Variants in ERC2 observed in about 807,000 individuals in gnomAD.
ERC2 encodes the protein ERC protein 2.
Under a neutral mutation model 114.8 loss-of-function variants are expected in ERC2, and 42 were observed. The ratio of observed to expected loss-of-function variants is 0.37; its 90% CI spans 0.29 to 0.47. The LOEUF (loss-of-function observed/expected upper bound fraction) is 0.47. Ranked by LOEUF, ERC2 falls within the 20% of genes least tolerant of loss-of-function variation. ERC2 has a pLI of 0.99. For missense variants in ERC2, 939 were observed against 1,150.7 expected (o/e 0.82, Z 2.66); for synonymous variants, 454 against 425.5 (o/e 1.07, Z -0.82).
chr3:56,008,200 T>C (rs9851203), intron 9 of ERC2, among the ~76,000 whole-genome samples: 52,112 of 152,050 alleles, frequency 0.34, 9,606 homozygotes, highest in Middle Eastern at 0.44. Flanking sequence ...AAAGACACAA[T>C]GGTCTCTCTG....
intron 15 of ERC2, among the ~76,000 whole-genome samples, chr3:55,714,065 C>A (rs1305037933): frequency 1.3e-5 from 2 of 152,192 alleles, no homozygotes; most frequent in East Asian, 3.8e-4. Flanking sequence ...ATTTTGCAAT[C>A]TAGGTGAGGA....
intron 13 of ERC2, among the ~76,000 whole-genome samples, chr3:55,943,460 T>G (rs1351860961): frequency 1.3e-5 from 2 of 151,614 alleles, no homozygotes; most frequent in Non-Finnish European, 2.9e-5. Context: ...GAGGAAGCGT[T>G]TTTTTTTTCA....
At chr3:55,805,129 A>G (rs181381148) in intron 14 of ERC2, among the ~76,000 whole-genome samples, 2 of 152,084 alleles carry the variant, frequency 1.3e-5, no homozygotes, top group African/African-American at 2.4e-5. Context: ...CTTACTGCCA[A>G]TGCTCCTCTA....
At chr3:55,805,916 A>T (rs897532650) in intron 14 of ERC2, among the ~76,000 whole-genome samples, 1 of 152,146 alleles carries the variant, frequency 6.6e-6, no homozygotes, top group South Asian at 2.1e-4. Flanking sequence ...ACTGGGGAAA[A>T]TGTTCTGAAA....
chr3:55,862,303 T>C (rs1363244410), intron 14 of ERC2, among the ~76,000 whole-genome samples: 9 of 152,170 alleles, frequency 5.9e-5, no homozygotes, highest in African/African-American at 9.7e-5. Flanking sequence ...AGAGAAGCCA[T>C]ATGACCCACT....
intron 7 of ERC2, among the ~76,000 whole-genome samples, chr3:56,038,515 G>T (rs1263343158): frequency 6.6e-6 from 1 of 152,206 alleles, no homozygotes; most frequent in African/African-American, 2.4e-5. Flanking sequence ...CATTGTGGAG[G>T]ACAGTGTGGT....
At chr3:55,850,872 ACACACACACACACACACACG>A (rs1198064970) in intron 14 of ERC2, among the ~76,000 whole-genome samples, 1 of 151,460 alleles carries the variant, frequency 6.6e-6, no homozygotes, top group East Asian at 1.9e-4. Context: ...ACACACACAC[ACACACACACACACACACACG>A]AGAGAACCAA....
chr3:56,091,385 G>A (rs927217143), intron 6 of ERC2, among the ~76,000 whole-genome samples: 1 of 152,188 alleles, frequency 6.6e-6, no homozygotes, highest in African/African-American at 2.4e-5. Flanking sequence ...TGATGTGGAA[G>A]ACTGGGGAGA....
At chr3:55,964,457 C>CTTT (rs11384596) in intron 12 of ERC2, among the ~76,000 whole-genome samples, 1 of 149,090 alleles carries the variant, frequency 6.7e-6, no homozygotes. Flanking sequence ...AAGCTACAAT[C>CTTT]TTTTTTTTTT....
intron 2 of ERC2, among the ~76,000 whole-genome samples, chr3:56,304,099 T>G (rs1489721824): frequency 1.3e-5 from 2 of 151,938 alleles, no homozygotes; most frequent in African/African-American, 4.8e-5. Flanking sequence ...ATCAACCAGA[T>G]CTGAAAAAGA....
chr3:55,971,732 T>A (rs956631204), intron 12 of ERC2, among the ~76,000 whole-genome samples: 3 of 152,186 alleles, frequency 2.0e-5, no homozygotes, highest in African/African-American at 7.2e-5. Context: ...CAAATGTCTG[T>A]TGAACAATCC....
At chr3:56,270,513 G>A (rs2053589284) in intron 3 of ERC2, among the ~76,000 whole-genome samples, 1 of 152,186 alleles carries the variant, frequency 6.6e-6, no homozygotes, top group Non-Finnish European at 1.5e-5. Context: ...TGTCAACTTG[G>A]CAAAGACCAG....
chr3:55,903,801 G>A (rs561368569), intron 13 of ERC2, among the ~76,000 whole-genome samples: 1 of 152,318 alleles, frequency 6.6e-6, no homozygotes, highest in South Asian at 2.1e-4. Flanking sequence ...GGAGGCCAGG[G>A]CTGTCAGGCC....
intron 14 of ERC2, among the ~76,000 whole-genome samples, chr3:55,854,599 T>C (rs917319592): frequency 2.6e-5 from 4 of 152,068 alleles, no homozygotes; most frequent in Admixed American, 2.6e-4. Flanking sequence ...TCGTGTGAAA[T>C]GCATCCAGCC....
intron 14 of ERC2, among the ~76,000 whole-genome samples, chr3:55,775,411 G>A (rs754355409): frequency 6.6e-6 from 1 of 151,952 alleles, no homozygotes; most frequent in Non-Finnish European, 1.5e-5. Context: ...GCATGCCTGT[G>A]GTTCGAGCTC....
intron 17 of ERC2, among the ~76,000 whole-genome samples, chr3:55,562,919 G>A (rs1203837502): frequency 6.6e-6 from 1 of 152,070 alleles, no homozygotes; most frequent in African/African-American, 2.4e-5. Flanking sequence ...ACATTCCAAA[G>A]GAATGTGGAA....
At chr3:55,898,992 C>A (rs1265435019) in intron 13 of ERC2, among the ~76,000 whole-genome samples, 1 of 152,144 alleles carries the variant, frequency 6.6e-6, no homozygotes, top group African/African-American at 2.4e-5. Context: ...TAACTACATG[C>A]GGCACTTCCA....
intron 10 of ERC2, among the ~76,000 whole-genome samples, chr3:55,998,253 A>T (rs528975678): frequency 5.1e-4 from 78 of 151,496 alleles, no homozygotes; most frequent in African/African-American, 1.5e-3. Context: ...TCTCTCTCTC[A>T]CACACACACA....
chr3:55,933,434 GAAGA>G (rs1212885487), intron 13 of ERC2, among the ~76,000 whole-genome samples: 2 of 152,222 alleles, frequency 1.3e-5, no homozygotes, highest in Non-Finnish European at 2.9e-5. Context: ...TCAGCCATGA[GAAGA>G]AAGAATAACG....
Sources: allele counts gnomAD v4.1 joint callset (sites outside exome capture counted in the v4.1 genomes callset), GRCh38; gene constraint gnomAD v4.1.1; transcripts MANE v1.5; gene names NCBI Gene and HGNC (gene_info 2026-07-23, HGNC 2026-07-21).